The following AK7 variants were observed in gnomAD, a reference collection of about 807,000 sequenced individuals.
AK7 encodes ATP-AMP transphosphorylase 7.
AK7 carries 78 observed loss-of-function variants against 96.6 expected under a neutral mutation model. The ratio of observed to expected loss-of-function variants is 0.81; its 90% CI spans 0.67 to 0.97. The LOEUF (loss-of-function observed/expected upper bound fraction) is 0.97, where lower values mean the gene tolerates loss of function less well. AK7 is among the 50% of genes least tolerant of loss of function. AK7 has a pLI of 0.00. For synonymous variants in AK7, 302 were observed against 317.2 expected, an observed-to-expected ratio of 0.95 and a Z score of 0.51; for missense variants, 855 against 887.9, an observed-to-expected ratio of 0.96 and a Z score of 0.47.
intron 4 of AK7, among the ~76,000 whole-genome samples, chr14:96,417,625 C>T (rs991696160): frequency 5.9e-5 from 9 of 152,192 alleles, no homozygotes; most frequent in African/African-American, 2.2e-4. Context: ...ATCATAAACA[C>T]ACTTTGCTCT....
chr14:96,458,766 C>A (rs966707512), intron 12 of AK7, among the ~76,000 whole-genome samples: 2 of 148,392 alleles, frequency 1.3e-5, no homozygotes, highest in African/African-American at 4.9e-5. Context: ...AAAAAATTAG[C>A]TGAGCATCGT....
chr14:96,472,601 G>A, intron 13 of AK7, 86 bp from the exon 14 acceptor site: 3 of 972,944 alleles, frequency 3.1e-6, no homozygotes, highest in Non-Finnish European at 4.8e-6. Flanking sequence ...ATTAGTGCTT[G>A]CTACTTAAGA....
chr14:96,420,727 G>T (rs1891632942), intron 4 of AK7, 95 bp from the exon 5 acceptor site: 1 of 875,648 alleles, frequency 1.1e-6, no homozygotes, highest in African/African-American at 1.7e-5. Flanking sequence ...GTAGTTTTAA[G>T]CTTTATTTGA....
intron 12 of AK7, among the ~76,000 whole-genome samples, chr14:96,467,822 T>C (rs1894656160): frequency 6.6e-6 from 1 of 152,112 alleles, no homozygotes; most frequent in Non-Finnish European, 1.5e-5. Context: ...TTTTGTTTCA[T>C]TTCTCATTAT....
intron 2 of AK7, among the ~76,000 whole-genome samples, chr14:96,404,236 TA>T (rs1195019375): frequency 6.6e-6 from 1 of 152,012 alleles, no homozygotes; most frequent in Non-Finnish European, 1.5e-5. Context: ...TTTACATTTT[TA>T]ATCATTAAAA....
chr14:96,417,045 A>G (rs1305232774), intron 4 of AK7, among the ~76,000 whole-genome samples: 1 of 152,226 alleles, frequency 6.6e-6, no homozygotes, highest in African/African-American at 2.4e-5. Context: ...GCCGTTGAAG[A>G]CAAAGGGTAG....
chr14:96,429,984 A>G (rs1203206330), intron 5 of AK7, among the ~76,000 whole-genome samples: 1 of 152,176 alleles, frequency 6.6e-6, no homozygotes, highest in African/African-American at 2.4e-5. Flanking sequence ...CCCTGGTCAG[A>G]ACTTCCAACA....
chr14:96,470,277 GA>G lies in AK7; in HGVS notation c.1358-1200del, dbSNP rs1894812865. Among the ~76,000 whole-genome samples the G allele has an allele frequency of 2.6e-5, 4 of 151,948 alleles. No homozygotes were observed. The South Asian group carries it at 8.3e-4, about 32-fold the overall frequency. The stretch of plus-strand genomic sequence containing the variant: ...GGAGAAGGATGAGGAGGGAGAGGAG[GA>G]GGGGGAGTCACTGATAAGGTAAAAG... On this transcript the variant is annotated intron_variant, in intron 12 of 17. Coordinates refer to ENST00000267584, the MANE Select transcript of AK7 (RefSeq NM_152327.5).
At chr14:96,427,410 G>A (rs77138690) in intron 5 of AK7, among the ~76,000 whole-genome samples, 12,961 of 152,238 alleles carry the variant, frequency 0.085, 637 homozygotes, top group East Asian at 0.12. Flanking sequence ...AGAGAGTGAA[G>A]GGGCAGCTGC....
At chr14:96,438,571 C>G (rs548272688) in intron 6 of AK7, among the ~76,000 whole-genome samples, 1 of 152,296 alleles carries the variant, frequency 6.6e-6, no homozygotes, top group East Asian at 1.9e-4. Flanking sequence ...CTAGATCAAT[C>G]TAGCTGAAGT....
rs1312340374 is a variant in AK7, at chr14:96,444,166, T to C, written c.779+1348T>C. On this transcript the variant is annotated intron_variant, in intron 7 of 17. Transcript: ENST00000267584. ...CCTCACGCAGCCCACAGGCCCTGGT[T>C]TGACAAGCTTGCTGTAAATGGGCTA... 2.6e-5 allele frequency among the ~76,000 whole-genome samples: 4 copies of C among 152,116 alleles called. No individual in the cohort carries two copies. The East Asian group carries it at 7.7e-4, about 29-fold the overall frequency.
At position 96,488,337 on chromosome 14, in the gene AK7, A is replaced by G. The variant is rs1415555980; in HGVS notation, c.2166A>G (p.Ala722=). The G allele has an allele frequency of 2.5e-6, 4 of 1,611,846 alleles. No individual in the cohort carries two copies. In the African/African-American group the frequency reaches 5.3e-5, roughly 22 times the overall value. ...AEYLFKNNPE[A]Q ...ATCTCTTCAAGAACAATCCTGAAGC[A>G]CAGTGAAACTTGAAAGATCTGGTAT... Residue 722 remains alanine (A), a synonymous_variant, in exon 18 of 18, where the codon GCA becomes GCG. Coordinates refer to ENST00000267584, the MANE Select transcript of AK7 (RefSeq NM_152327.5).
intron 12 of AK7, among the ~76,000 whole-genome samples, chr14:96,470,861 G>A (rs1475907539): frequency 1.3e-5 from 2 of 152,094 alleles, no homozygotes; most frequent in East Asian, 1.9e-4. Flanking sequence ...CCCTGCGGGC[G>A]GGCGGAGCTC....
intron 5 of AK7, 34 bp downstream of exon 5, chr14:96,420,966 T>A: frequency 1.4e-6 from 2 of 1,417,478 alleles, no homozygotes; most frequent in South Asian, 2.3e-5. Context: ...GGACATCATC[T>A]GAAGTCTTTA....
intron 2 of AK7, among the ~76,000 whole-genome samples, chr14:96,402,789 T>C (rs1192185982): frequency 1.3e-5 from 2 of 151,108 alleles, no homozygotes; most frequent in Non-Finnish European, 2.9e-5. Context: ...TATTTCTGAA[T>C]ATGGCCATAT....
intron 12 of AK7, among the ~76,000 whole-genome samples, chr14:96,460,447 A>G (rs900321995): frequency 6.6e-6 from 1 of 152,044 alleles, no homozygotes; most frequent in Non-Finnish European, 1.5e-5. Context: ...ACAGAGAAGG[A>G]TGTGGCCAAC....
intron 10 of AK7, among the ~76,000 whole-genome samples, chr14:96,452,787 A>T (rs1395380095): frequency 6.6e-6 from 1 of 151,990 alleles, no homozygotes; most frequent in East Asian, 1.9e-4. Context: ...GTAGGTAGCA[A>T]CTTTTTCAAG....
At chr14:96,447,568 C>T (rs761391211) in intron 8 of AK7, among the ~76,000 whole-genome samples, 15 of 152,080 alleles carry the variant, frequency 9.9e-5, no homozygotes, top group East Asian at 1.9e-4. Context: ...ATGATCCTCC[C>T]GCCTCTGCCT....
At chr14:96,480,872 T>C (rs1895466577) in intron 15 of AK7, among the ~76,000 whole-genome samples, 1 of 152,030 alleles carries the variant, frequency 6.6e-6, no homozygotes, top group Non-Finnish European at 1.5e-5. Flanking sequence ...GGATGGGAGA[T>C]GGGGAGGGCG....
Sources: gnomAD v4.1 joint callset for allele counts (sites outside exome capture counted in the v4.1 genomes callset) on GRCh38, gnomAD v4.1.1 for gene constraint, MANE v1.5 for transcripts, NCBI Gene and HGNC (gene_info 2026-07-23, HGNC 2026-07-21) for gene names.